The following ETFA variants were observed in gnomAD, a reference collection of about 807,000 sequenced individuals.
ETFA encodes electron transfer flavoprotein subunit alpha, mitochondrial.
A neutral mutation model predicts 46.2 loss-of-function variants in ETFA; 22 were observed. The observed-to-expected ratio is 0.48, with a 90% CI of 0.34 to 0.68. The LOEUF (loss-of-function observed/expected upper bound fraction) is 0.68. Among genes scored for constraint, ETFA ranks in the 30% least tolerant of loss-of-function variants. The pLI is 0.01. For synonymous variants in ETFA, 131 were observed against 139.9 expected (o/e 0.94, Z 0.45); for missense variants, 345 against 401.1 (o/e 0.86, Z 1.19).
chr15:76,250,087 A>G (rs1351257481), intron 9 of ETFA, among the ~76,000 whole-genome samples: 1 of 152,222 alleles, frequency 6.6e-6, no homozygotes, highest in East Asian at 1.9e-4. Flanking sequence ...AACTACTTAA[A>G]TAAACAACCA....
rs149536930 is a variant in ETFA, at chr15:76,222,523, G to A, written c.963+3326C>T. 7.2e-4 allele frequency among the ~76,000 whole-genome samples: 109 copies of A among 152,210 alleles called. No individual in the cohort carries two copies. In the East Asian group the frequency reaches 0.013, roughly 18 times the overall value. ...TTCAGCTGAGAAAACAACTTCATGC[G>A]TACTCTGTAGGTTCCTAGAGTCTGT... On this transcript the variant is annotated intron_variant, in intron 11 of 11. Coordinates refer to ENST00000557943, the MANE Select transcript of ETFA (RefSeq NM_000126.4).
chr15:76,272,805 AATATATACATAT>A (rs543310883), intron 9 of ETFA, among the ~76,000 whole-genome samples: 1 of 78,498 alleles, frequency 1.3e-5, no homozygotes, highest in Non-Finnish European at 3.0e-5. Context: ...TGTCTCTTAA[AATATATACATAT>A]ATATATATAT....
intron 9 of ETFA, among the ~76,000 whole-genome samples, chr15:76,267,951 T>A (rs534231176): frequency 1.3e-5 from 2 of 152,154 alleles, no homozygotes; most frequent in East Asian, 3.9e-4. Flanking sequence ...AGATCTATCA[T>A]GAGCCACAGC....
Position 76,260,419 on chromosome 15 carries a change from C to T in ETFA, c.816+13993G>A, listed in dbSNP as rs2039396711. 8.8e-6 allele frequency: 14 copies of T among 1,584,952 alleles called. No homozygotes were observed. In the Middle Eastern group the frequency reaches 6.2e-4, roughly 70 times the overall value. ...GTTAGCACACCAAGGACCACAGGTACCCAGGATGTGCGGCTGTGAGGAGGG... is the reference window on the plus strand; with the variant it reads ...GTTAGCACACCAAGGACCACAGGTATCCAGGATGTGCGGCTGTGAGGAGGG... On this transcript the variant is annotated intron_variant, in intron 9 of 11. Coordinates refer to ENST00000557943, the MANE Select transcript of ETFA (RefSeq NM_000126.4).
intron 10 of ETFA, among the ~76,000 whole-genome samples, chr15:76,229,642 T>C (rs998914264): frequency 2.0e-5 from 3 of 152,172 alleles, no homozygotes; most frequent in African/African-American, 7.2e-5. Flanking sequence ...AGCAATCACA[T>C]TTTCCCCATT....
chr15:76,243,816 CAAACAAA>C (rs2039218126), intron 9 of ETFA, among the ~76,000 whole-genome samples: 1 of 100,062 alleles, frequency 1.0e-5, no homozygotes, highest in Non-Finnish European at 2.7e-5. Flanking sequence ...CAAAAACAAA[CAAACAAA>C]AAAAAAACAA....
chr15:76,275,801 A>G (rs952049266), intron 8 of ETFA, among the ~76,000 whole-genome samples: 26 of 152,218 alleles, frequency 1.7e-4, no homozygotes, highest in African/African-American at 6.0e-4. Context: ...ATTTACAGCT[A>G]ATCCAAGTCC....
intron 11 of ETFA, among the ~76,000 whole-genome samples, chr15:76,217,409 T>G (rs1490430645): frequency 6.6e-6 from 1 of 152,244 alleles, no homozygotes; most frequent in Non-Finnish European, 1.5e-5. Flanking sequence ...AGCAGCATGC[T>G]ACTATCATCT....
intron 8 of ETFA, among the ~76,000 whole-genome samples, chr15:76,278,720 CTGA>C (rs2039620676): frequency 6.6e-6 from 1 of 152,160 alleles, no homozygotes; most frequent in African/African-American, 2.4e-5. Context: ...TCATTCTCAG[CTGA>C]TGACTTTGCT....
At chr15:76,305,284 T>A (rs2039929111) in intron 1 of ETFA, among the ~76,000 whole-genome samples, 1 of 152,184 alleles carries the variant, frequency 6.6e-6, no homozygotes, top group African/African-American at 2.4e-5. Flanking sequence ...AGGGACTAGG[T>A]CTGTCTTGTT....
chr15:76,239,937 T>A (rs891617391), intron 9 of ETFA, among the ~76,000 whole-genome samples: 3 of 152,142 alleles, frequency 2.0e-5, no homozygotes, highest in African/African-American at 7.2e-5. Context: ...TATCAACCAC[T>A]TGCATGTCAA....
chr15:76,224,791 A>G (rs751048607), intron 11 of ETFA, among the ~76,000 whole-genome samples: 1 of 152,226 alleles, frequency 6.6e-6, no homozygotes, highest in Non-Finnish European at 1.5e-5. Context: ...TGATTTCTGC[A>G]TAAGATAACC....
chr15:76,269,035 G>A (rs953813727), intron 9 of ETFA, among the ~76,000 whole-genome samples: 1 of 152,184 alleles, frequency 6.6e-6, no homozygotes, highest in East Asian at 1.9e-4. Context: ...ACAGCCGATG[G>A]GTTGTCTACA....
At chr15:76,297,524 T>C (rs1335909660) in intron 1 of ETFA, among the ~76,000 whole-genome samples, 4 of 152,094 alleles carry the variant, frequency 2.6e-5, no homozygotes, top group Admixed American at 2.6e-4. Context: ...ATAAAAATTA[T>C]GAGATTTCCA....
intron 9 of ETFA, among the ~76,000 whole-genome samples, chr15:76,250,830 CA>C (rs2039291256): frequency 6.6e-6 from 1 of 152,078 alleles, no homozygotes; most frequent in Non-Finnish European, 1.5e-5. Flanking sequence ...AGCCACCCAC[CA>C]TGCCCAGCCA....
At chr15:76,249,410 G>T (rs1349302399) in intron 9 of ETFA, among the ~76,000 whole-genome samples, 1 of 140,602 alleles carries the variant, frequency 7.1e-6, no homozygotes, top group Admixed American at 7.2e-5. Context: ...TTACAGGCGT[G>T]AACCACCACG....
intron 11 of ETFA, 108 bp from the exon 12 acceptor site, chr15:76,216,705 T>C: frequency 1.3e-6 from 1 of 772,988 alleles, no homozygotes; most frequent in Non-Finnish European, 2.3e-6. Context: ...CAAATCACTG[T>C]TGAGGCACGA....
chr15:76,283,043 A>G (rs2039670550), intron 8 of ETFA, among the ~76,000 whole-genome samples: 1 of 152,230 alleles, frequency 6.6e-6, no homozygotes, highest in Non-Finnish European at 1.5e-5. Context: ...TAAATGGTTA[A>G]CTACAATTCT....
At position 76,289,133 on chromosome 15, in the gene ETFA, G is replaced by A. The variant is rs373071500; in HGVS notation, c.352-1188C>T. 1.5e-4 allele frequency among the ~76,000 whole-genome samples: 23 copies of A among 151,976 alleles called. No homozygotes were observed. In the East Asian group the frequency reaches 1.7e-3, roughly 12 times the overall value. On this transcript the variant is annotated intron_variant, in intron 4 of 11. Coordinates refer to ENST00000557943, the MANE Select transcript of ETFA (RefSeq NM_000126.4). ...TTTTTCTGTAGAAGCGGGGTCTTGC[G>A]TTGTTGTCCAGGCTGGTCTCGAATT... is the stretch of plus-strand genomic sequence containing the variant.
Sources: gnomAD v4.1 joint callset for allele counts (sites outside exome capture counted in the v4.1 genomes callset) on GRCh38, gnomAD v4.1.1 for gene constraint, MANE v1.5 for transcripts, NCBI Gene and HGNC (gene_info 2026-07-23, HGNC 2026-07-21) for gene names.